The following GSE1 variants were observed in gnomAD, a reference collection of about 807,000 sequenced individuals.
GSE1 encodes the protein genetic suppressor element 1.
A neutral mutation model predicts 112.6 loss-of-function variants in GSE1; 32 were observed. The observed-to-expected ratio is 0.28, with a 90% CI of 0.21 to 0.38. The LOEUF is 0.38. Ranked by LOEUF, GSE1 falls within the 10% of genes least tolerant of loss-of-function variation. The pLI, the probability that GSE1 is intolerant of heterozygous loss-of-function variation, is 1.00. For synonymous variants in GSE1, 1,115 were observed against 735.6 expected (o/e 1.52, Z -8.35); for missense variants, 2,348 against 1,699.2 (o/e 1.38, Z -6.71).
chr16:85,413,945 T>C (rs541511273), intron 2 of GSE1, among the ~76,000 whole-genome samples: 16 of 152,340 alleles, frequency 1.1e-4, no homozygotes, highest in Admixed American at 9.8e-4. Flanking sequence ...GCACTTCTCC[T>C]TCCTGCTGTC....
chr16:85,371,477 G>A (rs1290914027), intron 2 of GSE1, among the ~76,000 whole-genome samples: 1 of 152,200 alleles, frequency 6.6e-6, no homozygotes, highest in Admixed American at 6.5e-5. Flanking sequence ...TGGCCCAGGG[G>A]ACGGTGACCT....
intron 1 of GSE1, among the ~76,000 whole-genome samples, chr16:85,248,379 T>C (rs1395180951): frequency 6.6e-6 from 1 of 152,106 alleles, no homozygotes; most frequent in African/African-American, 2.4e-5. Context: ...TGTCTATCTC[T>C]CCCCTTTTTT....
Position 85,673,492 on chromosome 16 carries a change from AAAC to A in GSE1, c.*954_*956del, listed in dbSNP as rs1029821014. 6 of 152,490 alleles carry A rather than the reference AAAC, an allele frequency of 3.9e-5. No individual in the cohort carries two copies. Among genetic ancestry groups the A allele is most frequent in the Admixed American group, 1.3e-4 (2 of 15,292 alleles). The allele number at this position is 152,490 out of a possible 1,614,324, so 9.4% of individuals were successfully genotyped here. ...TTTTTTTTGGGCAAAAAAAAAAAAA[AAAC>A]CTTGCTTTTAGTGTTTGTACTGCTG... is the stretch of plus-strand genomic sequence containing the variant. On this transcript the variant is annotated 3_prime_UTR_variant, in exon 16 of 16. Transcript: ENST00000253458.
At chr16:85,642,045 C>T (rs913669047) in intron 2 of GSE1, among the ~76,000 whole-genome samples, 2 of 152,396 alleles carry the variant, frequency 1.3e-5, no homozygotes, top group East Asian at 3.9e-4. Context: ...TTCCAGCCTA[C>T]ACCGGCTGAG....
At chr16:85,191,151 T>G (rs1293477688) in intron 1 of GSE1, among the ~76,000 whole-genome samples, 1 of 151,956 alleles carries the variant, frequency 6.6e-6, no homozygotes, top group African/African-American at 2.4e-5. Context: ...TCCCAGCTAC[T>G]TGCGAGGCTG....
chr16:85,628,855 C>T (rs919631582), intron 1 of GSE1, among the ~76,000 whole-genome samples: 3 of 152,174 alleles, frequency 2.0e-5, no homozygotes, highest in African/African-American at 7.2e-5. Flanking sequence ...CTGGGACTCG[C>T]GCCATGGCCT....
chr16:85,365,756 C>G lies in GSE1; in HGVS notation c.2464+8113C>G, dbSNP rs57577797. On this transcript the variant is annotated intron_variant, in intron 2 of 2. Transcript: ENST00000637419. ...CGACTTCATTTCCACTCTCTCTCTT[C>G]TAGCCATGTGTTGAAATCAGTTATT... is the stretch of plus-strand genomic sequence containing the variant. Among the ~76,000 whole-genome samples, 712 of 152,368 alleles carry G rather than the reference C, an allele frequency of 4.7e-3. 8 individuals carry two copies. The highest frequency in any genetic ancestry group is 0.017 in the African/African-American group (695 of 41,588).
chr16:85,394,707 T>G (rs7194370), intron 2 of GSE1, among the ~76,000 whole-genome samples: 3,352 of 152,246 alleles, frequency 0.022, 137 homozygotes, highest in African/African-American at 0.075. Context: ...TTTGTCTTAG[T>G]TGGAGCAGAA....
intron 2 of GSE1, among the ~76,000 whole-genome samples, chr16:85,496,904 T>TTG (rs1192076793): frequency 6.7e-6 from 1 of 148,976 alleles, no homozygotes; most frequent in Non-Finnish European, 1.5e-5. Context: ...GTCTTTGTTG[T>TTG]TTTTTTTTTC....
intron 2 of GSE1, among the ~76,000 whole-genome samples, chr16:85,402,644 A>G (rs557983374): frequency 1.2e-4 from 19 of 152,316 alleles, no homozygotes; most frequent in African/African-American, 4.6e-4. Context: ...CCCCAAGGCC[A>G]GGCATGGTGG....
intron 2 of GSE1, among the ~76,000 whole-genome samples, chr16:85,478,912 TTTC>T (rs1239107703): frequency 3.1e-5 from 2 of 64,286 alleles, no homozygotes; most frequent in African/African-American, 1.8e-4. Flanking sequence ...TCTTTCTTTC[TTTC>T]TTTCTTTCTT....
At chr16:85,664,974 G>C in intron 11 of GSE1, 41 bp from the exon 12 acceptor site, 1 of 1,277,192 alleles carries the variant, frequency 7.8e-7, no homozygotes. Flanking sequence ...TCCAAAAAAT[G>C]ATGCAACTGG....
In GSE1 at chr16:85,674,264, C is replaced by G. The variant is rs559233965; in HGVS notation, c.*1725C>G. ...AGCTTGCTGGCAGCTGGCATCGTGTCGCTTTATCTGCCCCCGCACAGTTTG... is the reference window on the plus strand; with the variant it reads ...AGCTTGCTGGCAGCTGGCATCGTGTGGCTTTATCTGCCCCCGCACAGTTTG... On this transcript the variant is annotated 3_prime_UTR_variant, in exon 16 of 16. Transcript: ENST00000253458. 3 of 152,292 alleles carry G rather than the reference C, an allele frequency of 2.0e-5. No homozygotes were observed. Among genetic ancestry groups the G allele is most frequent in the Non-Finnish European group, 4.4e-5 (3 of 68,068 alleles). 9.4% of individuals were successfully genotyped at this position (152,292 alleles called of 1,614,324 possible). A position where few individuals can be genotyped will look rare whatever the true frequency, so the allele number is the denominator to read the frequency against.
upstream of GSE1, among the ~76,000 whole-genome samples, chr16:85,552,218 G>A (rs1206748149): frequency 4.0e-5 from 6 of 151,628 alleles, no homozygotes; most frequent in Admixed American, 1.3e-4. Flanking sequence ...GTAGAGACGG[G>A]GTTTCACCGT....
At chr16:85,369,367 A>G (rs2047248303) in intron 2 of GSE1, among the ~76,000 whole-genome samples, 1 of 150,990 alleles carries the variant, frequency 6.6e-6, no homozygotes, top group Admixed American at 6.6e-5. Flanking sequence ...CAGACATGCG[A>G]CACCATTCCT....
chr16:85,530,564 G>C lies in GSE1; in HGVS notation c.2465-103350G>C, dbSNP rs539030751. 4.6e-5 allele frequency among the ~76,000 whole-genome samples: 7 copies of C among 152,252 alleles called. No individual in the cohort carries two copies. In the South Asian group the frequency reaches 1.5e-3, roughly 32 times the overall value. On this transcript the variant is annotated intron_variant, in intron 2 of 2. Transcript: ENST00000637419. ...GAAATCAAGCCCTTGTAGAAATCCC[G>C]CTGGAGCCCAGCCTTGGGTGACATG...
At chr16:85,489,221 G>A (rs1357477374) in intron 2 of GSE1, among the ~76,000 whole-genome samples, 1 of 151,986 alleles carries the variant, frequency 6.6e-6, no homozygotes, top group African/African-American at 2.4e-5. Context: ...GACAGCTCAG[G>A]TCTGGAGTCA....
intron 1 of GSE1, among the ~76,000 whole-genome samples, chr16:85,604,742 CAAAAAAAAAA>C (rs36152099): frequency 3.3e-3 from 2 of 608 alleles, no homozygotes; most frequent in African/African-American, 5.7e-3. Context: ...GAGATTCTGT[CAAAAAAAAAA>C]AAAAAAAAAA....
chr16:85,185,751 G>T (rs1042221165), intron 1 of GSE1, among the ~76,000 whole-genome samples: 1 of 152,212 alleles, frequency 6.6e-6, no homozygotes, highest in Non-Finnish European at 1.5e-5. Context: ...CTTCGCCCTC[G>T]CCAGGCTGTG....
Sources: allele counts gnomAD v4.1 joint callset (sites outside exome capture counted in the v4.1 genomes callset), GRCh38; gene constraint gnomAD v4.1.1; transcripts MANE v1.5; gene names NCBI Gene and HGNC (gene_info 2026-07-23, HGNC 2026-07-21).